The following TBC1D22B variants were observed in gnomAD, a reference collection of about 807,000 sequenced individuals.
TBC1D22B encodes the protein chromosome 6 open reading frame 197.
Under a neutral mutation model 69.1 loss-of-function variants are expected in TBC1D22B, and 32 were observed. That is an observed-to-expected ratio of 0.46 (90% confidence interval 0.35 to 0.62). The LOEUF (loss-of-function observed/expected upper bound fraction) is 0.62. Among genes scored for constraint, TBC1D22B ranks in the 20% least tolerant of loss-of-function variants. TBC1D22B has a pLI of 0.00. For synonymous variants in TBC1D22B, 206 were observed against 229.8 expected (o/e 0.90, Z 0.94); for missense variants, 462 against 630.9 (o/e 0.73, Z 2.87).
chr6:37,291,506 A>G, intron 8 of TBC1D22B, 149 bp downstream of exon 8: 1 of 555,510 alleles, frequency 1.8e-6, no homozygotes, highest in Non-Finnish European at 3.1e-6. Flanking sequence ...ACTACTTTTA[A>G]CAGCGGTTGC....
Position 37,291,228 on chromosome 6 carries a change from T to G in TBC1D22B, c.868-15T>G, listed in dbSNP as rs1230775502. On this transcript the variant is annotated splice_polypyrimidine_tract_variant and intron_variant, in intron 7 of 12. Transcript: ENST00000373491. ...CGTGATTTAACACTCGTGTCTTTCT[T>G]TCTCATTTTCCTAGATCTTTGAAAG... is the stretch of plus-strand genomic sequence containing the variant. The G allele has an allele frequency of 4.5e-6, 7 of 1,568,194 alleles. No individual in the cohort carries two copies. Among genetic ancestry groups the G allele is most frequent in the Non-Finnish European group, 5.3e-6 (6 of 1,138,366 alleles).
intron 8 of TBC1D22B, 87 bp downstream of exon 8, chr6:37,291,444 G>C (rs1767180015): frequency 1.1e-6 from 1 of 948,272 alleles, no homozygotes; most frequent in Non-Finnish European, 1.6e-6. Flanking sequence ...AGTCCAGCCA[G>C]TAGGTATGTC....
intron 8 of TBC1D22B, among the ~76,000 whole-genome samples, chr6:37,312,177 C>G (rs1186953749): frequency 1.3e-5 from 2 of 152,220 alleles, no homozygotes. Context: ...TGCAGAATTT[C>G]TGTTAACTTC....
At chr6:37,262,553 C>A (rs916174135) in intron 1 of TBC1D22B, among the ~76,000 whole-genome samples, 13 of 152,278 alleles carry the variant, frequency 8.5e-5, no homozygotes, top group African/African-American at 2.9e-4. Flanking sequence ...GAACTTGAAG[C>A]CGATCCTAAA....
At chr6:37,289,961 C>CA (rs771273918) in intron 7 of TBC1D22B, among the ~76,000 whole-genome samples, 8 of 152,202 alleles carry the variant, frequency 5.3e-5, no homozygotes, top group Admixed American at 1.3e-4. Flanking sequence ...GCTTTGTTCT[C>CA]ACTACCTATG....
chr6:37,279,744 T>G, intron 3 of TBC1D22B, 133 bp downstream of exon 3: 1 of 988,460 alleles, frequency 1.0e-6, no homozygotes, highest in East Asian at 2.6e-5. Context: ...GCCTGAGATG[T>G]GACATCATTA....
chr6:37,321,532 C>T (rs1473497842), intron 12 of TBC1D22B, among the ~76,000 whole-genome samples: 1 of 152,212 alleles, frequency 6.6e-6, no homozygotes, highest in Non-Finnish European at 1.5e-5. Flanking sequence ...TCCTTGTGAC[C>T]TCCTCCTATT....
chr6:37,279,561 A>G lies in TBC1D22B; in HGVS notation c.371A>G (p.Asn124Ser), dbSNP rs1266249720. The stretch of plus-strand genomic sequence containing the variant: ...TCAACGACATCGGACGTCCCTGCCA[A>G]CTACAAGGTCATAAAGTCCAGCAGT... ...SQSTTSDVPA[N>S]YKVIKSSSDA... The change falls in exon 3 of 13, where the codon AAC becomes AGC. Residue 124 changes from asparagine to serine, a missense_variant. Asn to Ser is a conservative substitution (Grantham distance 46). Transcript: ENST00000373491. The G allele has an allele frequency of 1.9e-6, 3 of 1,614,094 alleles. No individual in the cohort carries two copies. Among genetic ancestry groups the G allele is most frequent in the East Asian group, 2.2e-5 (1 of 44,902 alleles).
Position 37,279,552 on chromosome 6 carries a change from T to A in TBC1D22B, c.362T>A (p.Val121Asp). 6.2e-7 allele frequency: 1 copy of A among 1,614,224 alleles called. No individual in the cohort carries two copies. Among genetic ancestry groups the A allele is most frequent in the Non-Finnish European group, 8.5e-7 (1 of 1,180,030 alleles). Residue 121 changes from valine (V) to aspartate (D), a missense_variant, in exon 3 of 13, where the codon GTC (valine) becomes GAC (aspartate). Val to Asp is a radical substitution (Grantham distance 152, BLOSUM62 -3). Around this residue, in one of 2 missense-constraint regions of TBC1D22B, gnomAD observed 237 missense variants for 255.4 expected, o/e 0.93. Coordinates refer to ENST00000373491, the MANE Select transcript of TBC1D22B (RefSeq NM_017772.4). ...CGGTCCCAGTCAACGACATCGGACGTCCCTGCCAACTACAAGGTCATAAAG... is the reference window on the plus strand; with the variant it reads ...CGGTCCCAGTCAACGACATCGGACGACCCTGCCAACTACAAGGTCATAAAG... ...PERSQSTTSD[V>D]PANYKVIKSS...
intron 2 of TBC1D22B, among the ~76,000 whole-genome samples, chr6:37,273,875 T>G (rs1168909280): frequency 6.6e-6 from 1 of 152,234 alleles, no homozygotes; most frequent in Non-Finnish European, 1.5e-5. Flanking sequence ...ATAGTTCCAC[T>G]TCAGCCCATC....
At chr6:37,328,304 CTAAA>C (rs1360860448) in intron 12 of TBC1D22B, among the ~76,000 whole-genome samples, 3 of 151,790 alleles carry the variant, frequency 2.0e-5, no homozygotes, top group East Asian at 3.9e-4. Context: ...GACTCTGTCT[CTAAA>C]TAAATAAATA....
intron 10 of TBC1D22B, among the ~76,000 whole-genome samples, chr6:37,316,248 G>C (rs532830290): frequency 2.0e-5 from 3 of 152,202 alleles, no homozygotes; most frequent in Non-Finnish European, 4.4e-5. Flanking sequence ...GAGTTTGTGA[G>C]CCCCTTTCGC....
rs1206714144 is a variant in TBC1D22B at position 37,331,584 on chromosome 6, GA to G, written c.*415del. ...CAGGTCAAAAACGCCTTATATTTTC[GA>G]AAGACTCCTGGCCCCTCTTCCCTCT... is the stretch of plus-strand genomic sequence containing the variant. On this transcript the variant is annotated 3_prime_UTR_variant, in exon 13 of 13. Transcript: ENST00000373491. 2 of 153,626 alleles carry G rather than the reference GA, an allele frequency of 1.3e-5. No individual in the cohort carries two copies. The highest frequency in any genetic ancestry group is 1.3e-4 in the Admixed American group (2 of 15,310). The allele number at this position is 153,626 out of a possible 1,614,324, so 9.5% of individuals were successfully genotyped here. A position where few individuals can be genotyped will look rare whatever the true frequency, so the allele number is the denominator to read the frequency against.
chr6:37,270,601 T>C (rs1483673713), intron 2 of TBC1D22B, among the ~76,000 whole-genome samples: 2 of 152,220 alleles, frequency 1.3e-5, no homozygotes, highest in Non-Finnish European at 2.9e-5. Context: ...TATCCCTTTA[T>C]CCCATCTTTC....
chr6:37,311,459 TCCAG>T (rs1258553564), intron 8 of TBC1D22B, among the ~76,000 whole-genome samples: 3 of 151,916 alleles, frequency 2.0e-5, no homozygotes, highest in African/African-American at 7.3e-5. Context: ...ATCACTTGAG[TCCAG>T]GAGTTTGAGA....
At chr6:37,270,097 T>G (rs1259001601) in intron 2 of TBC1D22B, among the ~76,000 whole-genome samples, 1 of 152,166 alleles carries the variant, frequency 6.6e-6, no homozygotes, top group South Asian at 2.1e-4. Flanking sequence ...GCTGGCATTC[T>G]TTAGTTCCTC....
At chr6:37,287,218 T>A (rs1767033953) in intron 7 of TBC1D22B, 146 bp downstream of exon 7, 1 of 570,056 alleles carries the variant, frequency 1.8e-6, no homozygotes, top group Non-Finnish European at 3.0e-6. Flanking sequence ...TACATTTTCA[T>A]TTGATCTTTG....
At chr6:37,283,225 T>A (rs991311603) in intron 5 of TBC1D22B, among the ~76,000 whole-genome samples, 5 of 152,224 alleles carry the variant, frequency 3.3e-5, no homozygotes, top group Middle Eastern at 3.2e-3. Flanking sequence ...GATAGGGTGA[T>A]CCCAGCACTT....
At chr6:37,323,265 T>C (rs1407373251) in intron 12 of TBC1D22B, among the ~76,000 whole-genome samples, 2 of 152,172 alleles carry the variant, frequency 1.3e-5, no homozygotes, top group African/African-American at 4.8e-5. Flanking sequence ...CAGTGGCTCA[T>C]GCCTGTAATC....
Sources: allele counts gnomAD v4.1 joint callset (sites outside exome capture counted in the v4.1 genomes callset), GRCh38; gene constraint gnomAD v4.1.1; regional missense constraint gnomAD v4.1.1; transcripts MANE v1.5; gene names NCBI Gene and HGNC (gene_info 2026-07-23, HGNC 2026-07-21).